CDR2: variants seen among roughly 807,000 people sequenced by gnomAD.
The protein encoded by CDR2 is cerebellar degeneration related protein 2.
A neutral mutation model predicts 48.4 loss-of-function variants in CDR2; 34 were observed. The observed-to-expected ratio is 0.70, with a 90% CI of 0.53 to 0.94. The LOEUF (loss-of-function observed/expected upper bound fraction) is 0.94, where lower values mean the gene tolerates loss of function less well. Among genes scored for constraint, CDR2 ranks in the 40% least tolerant of loss-of-function variants. CDR2 has a pLI of 0.00. For synonymous variants in CDR2, 240 were observed against 219.7 expected, an observed-to-expected ratio of 1.09 and a Z score of -0.82; for missense variants, 498 against 549.5, an observed-to-expected ratio of 0.91 and a Z score of 0.94.
chr16:22,362,730 C>T (rs898617940), intron 2 of CDR2, among the ~76,000 whole-genome samples: 8 of 152,166 alleles, frequency 5.3e-5, no homozygotes, highest in Non-Finnish European at 8.8e-5. Context: ...TCCTTGACCA[C>T]GTAAAACATT....
rs1269059026 is a variant in CDR2, at chr16:22,354,681, A to T, written c.193-4832T>A. On this transcript the variant is annotated intron_variant, in intron 2 of 4. Transcript: ENST00000268383. The stretch of plus-strand genomic sequence containing the variant: ...GGCGGGTGGATCACTTGAGGACAGG[A>T]GTTCGAGACCAGCCTGGCCAACATG... Among the ~76,000 whole-genome samples, 3 of 151,812 alleles carry T rather than the reference A, an allele frequency of 2.0e-5. No individual in the cohort carries two copies. The East Asian group carries it at 5.8e-4, about 30-fold the overall frequency.
At chr16:22,353,639 A>ACGGG (rs2048956769) in intron 2 of CDR2, among the ~76,000 whole-genome samples, 1 of 152,196 alleles carries the variant, frequency 6.6e-6, no homozygotes, top group Admixed American at 6.5e-5. Context: ...AGCTTTGCTA[A>ACGGG]CGGGCCTTTA....
intron 2 of CDR2, among the ~76,000 whole-genome samples, chr16:22,353,823 A>G (rs1223249332): frequency 5.3e-5 from 8 of 152,202 alleles, no homozygotes; most frequent in African/African-American, 1.9e-4. Flanking sequence ...ATATAAATGA[A>G]ATAGATATGT....
chr16:22,371,707 A>G (rs558799869), intron 1 of CDR2, among the ~76,000 whole-genome samples: 4 of 152,316 alleles, frequency 2.6e-5, no homozygotes, highest in Non-Finnish European at 4.4e-5. Flanking sequence ...TTCACAAGTT[A>G]CAATTGTTGG....
intron 1 of CDR2, among the ~76,000 whole-genome samples, chr16:22,370,267 T>C (rs547482768): frequency 2.0e-5 from 3 of 152,292 alleles, no homozygotes; most frequent in East Asian, 3.9e-4. Flanking sequence ...GTTACTATAA[T>C]TGGGAAAGCA....
intron 2 of CDR2, among the ~76,000 whole-genome samples, chr16:22,356,532 C>CT (rs536632155): frequency 3.9e-4 from 59 of 152,316 alleles, no homozygotes; most frequent in African/African-American, 1.0e-3. Context: ...GCAGGTGGAT[C>CT]ACCTGAGGTC....
At chr16:22,350,387 A>G (rs1344019828) in intron 2 of CDR2, among the ~76,000 whole-genome samples, 1 of 151,982 alleles carries the variant, frequency 6.6e-6, no homozygotes, top group African/African-American at 2.4e-5. Flanking sequence ...GATTGATTCA[A>G]TTATTGGCCA....
At chr16:22,355,002 T>G (rs1051547935) in intron 2 of CDR2, among the ~76,000 whole-genome samples, 9 of 152,192 alleles carry the variant, frequency 5.9e-5, no homozygotes, top group African/African-American at 2.2e-4. Context: ...GTTTCAACAA[T>G]TATCAACATA....
At chr16:22,359,665 C>A (rs965255366) in intron 2 of CDR2, among the ~76,000 whole-genome samples, 1 of 152,110 alleles carries the variant, frequency 6.6e-6, no homozygotes, top group African/African-American at 2.4e-5. Flanking sequence ...ATTCATATGT[C>A]TAAATTCTCT....
At chr16:22,368,770 G>A (rs745502012) in intron 1 of CDR2, 2 of 152,168 alleles carry the variant, frequency 1.3e-5, no homozygotes, top group Non-Finnish European at 2.9e-5. Flanking sequence ...GAATACAAAT[G>A]TTCCCCTTGT....
At chr16:22,357,562 C>G (rs539672626) in intron 2 of CDR2, among the ~76,000 whole-genome samples, 1 of 152,220 alleles carries the variant, frequency 6.6e-6, no homozygotes, top group African/African-American at 2.4e-5. Context: ...CTTGGGAAAA[C>G]AGCCTATTAA....
At chr16:22,370,049 T>C (rs1230871631) in intron 1 of CDR2, among the ~76,000 whole-genome samples, 1 of 152,222 alleles carries the variant, frequency 6.6e-6, no homozygotes, top group Non-Finnish European at 1.5e-5. Context: ...ATTCTTTCAC[T>C]AATGAGTCTT....
At chr16:22,367,460 A>G (rs2049050969) in intron 1 of CDR2, among the ~76,000 whole-genome samples, 2 of 152,376 alleles carry the variant, frequency 1.3e-5, no homozygotes, top group South Asian at 4.1e-4. Flanking sequence ...TGATAGAAGC[A>G]TGAGGGATCA....
At position 22,347,523 on chromosome 16, in the gene CDR2, A is replaced by G. The variant is rs141757314; in HGVS notation, c.807T>C (p.Asn269=). 2 of 1,613,926 alleles carry G rather than the reference A, an allele frequency of 1.2e-6. No individual in the cohort carries two copies. Among genetic ancestry groups the G allele is most frequent in the African/African-American group, 1.3e-5 (1 of 74,918 alleles). ...AGTCTGGCACCAGCTTCTCAACTCCATTCACAAATGGATGCTCTGACTGCA... is the reference window on the plus strand; with the variant it reads ...AGTCTGGCACCAGCTTCTCAACTCCGTTCACAAATGGATGCTCTGACTGCA... ...QMLQSEHPFV[N]GVEKLVPDSL... is the part of the protein sequence containing the mutation. Residue 269 remains asparagine (N), a synonymous_variant, in exon 5 of 5, where the codon AAT becomes AAC. Coordinates refer to ENST00000268383, the MANE Select transcript of CDR2 (RefSeq NM_001802.2).
At chr16:22,366,402 GA>G (rs942189959) in intron 1 of CDR2, among the ~76,000 whole-genome samples, 1 of 152,106 alleles carries the variant, frequency 6.6e-6, no homozygotes, top group Non-Finnish European at 1.5e-5. Context: ...ATGCTAAAGA[GA>G]AAAAAATAAA....
chr16:22,358,149 T>C (rs1039125769), intron 2 of CDR2, among the ~76,000 whole-genome samples: 4 of 152,176 alleles, frequency 2.6e-5, no homozygotes, highest in Non-Finnish European at 5.9e-5. Flanking sequence ...TCATTTTTTT[T>C]CTGAATCTAG....
chr16:22,364,234 C>T (rs1267671850), intron 2 of CDR2, among the ~76,000 whole-genome samples: 3 of 152,170 alleles, frequency 2.0e-5, no homozygotes, highest in Non-Finnish European at 2.9e-5. Flanking sequence ...TAAGCCACCA[C>T]ACTCAGCCAA....
Position 22,347,324 on chromosome 16 carries a change from T to TG in CDR2, c.1005dup (p.Lys336GlnfsTer26). ...GAGATGCCCCTCTGTTTCACAGCCT[T>TG]GGCCCTCCTGATGCAGGTCTCCTCG... On this transcript the variant is annotated frameshift_variant, in exon 5 of 5. Transcript: ENST00000268383. LOFTEE classifies it high-confidence loss of function. 1 of 1,614,240 alleles carries TG rather than the reference T, an allele frequency of 6.2e-7. No individual in the cohort carries two copies.
chr16:22,347,710 G>A lies in CDR2; in HGVS notation c.620C>T (p.Ala207Val). 6.2e-7 allele frequency: 1 copy of A among 1,614,120 alleles called. No individual in the cohort carries two copies. Among genetic ancestry groups the A allele is most frequent in the Non-Finnish European group, 8.5e-7 (1 of 1,180,044 alleles). Residue 207 changes from alanine to valine, a missense_variant, in exon 5 of 5, where the codon GCC becomes GTC. Coordinates refer to ENST00000268383, the MANE Select transcript of CDR2 (RefSeq NM_001802.2). Reference protein sequence around the residue: ...HLKKTVTMLQAQLSLERQKRV... With the variant: ...HLKKTVTMLQVQLSLERQKRV... ...CTTCTGCCGCTCCAGGCTCAGCTGG[G>A]CCTGCAACATTGTCACTGTTTTTTT...
Sources: allele counts gnomAD v4.1 joint callset (sites outside exome capture counted in the v4.1 genomes callset), GRCh38; gene constraint gnomAD v4.1.1; transcripts MANE v1.5; gene names NCBI Gene and HGNC (gene_info 2026-07-23, HGNC 2026-07-21).